Variants in AKAP3 observed in about 807,000 individuals in gnomAD.
AKAP3 encodes the protein A-kinase anchoring protein 3, also known as A-kinase anchor protein 3.
AKAP3 carries 27 observed loss-of-function variants against 57.2 expected under a neutral mutation model. That is an observed-to-expected ratio of 0.47 (90% confidence interval 0.35 to 0.65). The LOEUF (loss-of-function observed/expected upper bound fraction) is 0.65, where lower values mean the gene tolerates loss of function less well. AKAP3 is among the 30% of genes least tolerant of loss of function. The probability of loss-of-function intolerance (pLI) is 0.01; values close to 1 mark genes in which losing one functional copy is unlikely to be tolerated. For missense variants in AKAP3, 959 were observed against 1,040.0 expected (o/e 0.92, Z 1.07); for synonymous variants, 334 against 392.3 (o/e 0.85, Z 1.76).
At chr12:4,636,262 C>T (rs1420227899) in intron 4 of AKAP3, 5 of 410,042 alleles carry the variant, frequency 1.2e-5, no homozygotes, top group South Asian at 2.5e-5. Context: ...AAACCTCAGA[C>T]GCGGCAAGCG....
chr12:4,644,678 GAA>G (rs1474985728), intron 2 of AKAP3, among the ~76,000 whole-genome samples: 1 of 152,222 alleles, frequency 6.6e-6, no homozygotes, highest in African/African-American at 2.4e-5. Context: ...TTGGGAGGCC[GAA>G]GTGGAGGGGA....
intron 5 of AKAP3, 130 bp downstream of exon 5, chr12:4,626,366 T>G (rs553455286): frequency 1.7e-5 from 20 of 1,149,054 alleles, no homozygotes; most frequent in African/African-American, 3.1e-5. Flanking sequence ...CCAGGAGGCA[T>G]GATCTTCAAA....
chr12:4,643,757 G>T (rs574833799), intron 2 of AKAP3, among the ~76,000 whole-genome samples: 1 of 152,294 alleles, frequency 6.6e-6, no homozygotes, highest in South Asian at 2.1e-4. Flanking sequence ...AAGCAACATA[G>T]GGGCTTGGTT....
chr12:4,619,848 C>G (rs1015879598), intron 5 of AKAP3, among the ~76,000 whole-genome samples: 44 of 152,170 alleles, frequency 2.9e-4, no homozygotes, highest in African/African-American at 9.7e-4. Flanking sequence ...AAATAAACTA[C>G]TGATACATGC....
intron 3 of AKAP3, among the ~76,000 whole-genome samples, chr12:4,639,727 T>C (rs972497508): frequency 6.6e-6 from 1 of 152,154 alleles, no homozygotes; most frequent in African/African-American, 2.4e-5. Context: ...GTTTCCAGCT[T>C]CATCCCTGTC....
intron 3 of AKAP3, 52 bp from the exon 4 acceptor site, chr12:4,638,248 T>A (rs1436295637): frequency 1.6e-6 from 2 of 1,289,162 alleles, no homozygotes; most frequent in Admixed American, 1.9e-5. Flanking sequence ...GCAGATTTTA[T>A]GAAAGTAAGA....
At chr12:4,622,081 A>T (rs1945354198) in intron 5 of AKAP3, among the ~76,000 whole-genome samples, 2 of 152,180 alleles carry the variant, frequency 1.3e-5, no homozygotes. Flanking sequence ...TAGGGAGGTG[A>T]AAATCTCTAC....
At chr12:4,647,854 G>A (rs1487449401) in intron 1 of AKAP3, 2 of 121,700 alleles carry the variant, frequency 1.6e-5, no homozygotes, top group Non-Finnish European at 3.9e-5. Context: ...TCAGTAAACA[G>A]TAGGGGCAAG....
Position 4,628,311 on chromosome 12 carries a change from G to A in AKAP3, c.591C>T (p.Gly197=). The A allele has an allele frequency of 1.2e-6, 2 of 1,614,186 alleles. No homozygotes were observed. The highest frequency in any genetic ancestry group is 1.1e-5 in the South Asian group (1 of 91,086). The stretch of plus-strand genomic sequence containing the variant: ...ATGATCCCGAGACTCTGTCTCCAGA[G>A]CCAGGAGCCTTGTCTGGGGCAGCAT... The part of the protein sequence containing the change: ...SRNAAPDKAP[G]SGDRVSGSSQ... The change falls in exon 5 of 6, where the codon GGC becomes GGT. Residue 197 remains glycine, a synonymous_variant. Coordinates refer to ENST00000228850, the MANE Select transcript of AKAP3 (RefSeq NM_001278309.2).
chr12:4,638,592 C>T (rs936346156), intron 3 of AKAP3, among the ~76,000 whole-genome samples: 5 of 152,174 alleles, frequency 3.3e-5, no homozygotes, highest in African/African-American at 1.2e-4. Flanking sequence ...TAATTTACTG[C>T]TCCTTTGTCT....
chr12:4,621,393 GTCAC>G (rs1945346056), intron 5 of AKAP3, among the ~76,000 whole-genome samples: 1 of 152,154 alleles, frequency 6.6e-6, no homozygotes, highest in African/African-American at 2.4e-5. Flanking sequence ...TCACCACTCA[GTCAC>G]TCACTCATCC....
intron 3 of AKAP3, among the ~76,000 whole-genome samples, chr12:4,638,784 C>G (rs1230656906): frequency 6.6e-6 from 1 of 152,170 alleles, no homozygotes; most frequent in Non-Finnish European, 1.5e-5. Flanking sequence ...TTCTGAGTAT[C>G]AGTCAGGACA....
Position 4,626,657 on chromosome 12 carries a change from G to C in AKAP3, c.2245C>G (p.Pro749Ala). ...ACCGTGGGTGCTGCACACCCTTCAG[G>C]GGGCTGTCCTGATGTGCCTCTCATT... ...NEMRGTSGQPPEGCAAPTVIV... is the reference protein window; with the variant it reads ...NEMRGTSGQPAEGCAAPTVIV... Residue 749 changes from proline to alanine, a missense_variant, in exon 5 of 6, where the codon CCT (proline) becomes GCT (alanine). By Grantham distance (27) the Pro-to-Ala change is conservative. Transcript: ENST00000228850. 1 of 1,614,204 alleles carries C rather than the reference G, an allele frequency of 6.2e-7. No individual in the cohort carries two copies. The highest frequency in any genetic ancestry group is 1.1e-5 in the South Asian group (1 of 91,086).
At chr12:4,635,957 T>C in intron 4 of AKAP3, 7 of 1,059,102 alleles carry the variant, frequency 6.6e-6, no homozygotes, top group Non-Finnish European at 1.0e-5. Flanking sequence ...TTTGGGCCCA[T>C]ATTTCACAAA....
chr12:4,646,609 T>C (rs1428981456), intron 1 of AKAP3, among the ~76,000 whole-genome samples: 1 of 151,816 alleles, frequency 6.6e-6, no homozygotes, highest in African/African-American at 2.4e-5. Context: ...GAGGCGGAAG[T>C]TGCAGTGAGC....
chr12:4,635,506 C>A (rs751104976), intron 4 of AKAP3: 6 of 675,146 alleles, frequency 8.9e-6, no homozygotes, highest in African/African-American at 1.8e-5. Flanking sequence ...TAGCTGATGT[C>A]TTCATGAATA....
At chr12:4,616,459 T>C (rs61027608) in intron 5 of AKAP3, among the ~76,000 whole-genome samples, 6,414 of 152,290 alleles carry the variant, frequency 0.042, 324 homozygotes, top group African/African-American at 0.11. Context: ...ACGCTGTCAT[T>C]TATCTGGAAT....
intron 1 of AKAP3, chr12:4,645,528 T>C (rs1037806487): frequency 6.6e-6 from 1 of 152,080 alleles, no homozygotes; most frequent in Non-Finnish European, 1.5e-5. Context: ...ATAGAATCAG[T>C]GGGAGTCCTG....
intron 4 of AKAP3, among the ~76,000 whole-genome samples, chr12:4,637,166 T>C (rs1312245320): frequency 1.3e-5 from 2 of 152,240 alleles, no homozygotes. Flanking sequence ...GTCAGGACAG[T>C]GTCTGTGCCA....
Sources: allele counts gnomAD v4.1 joint callset (sites outside exome capture counted in the v4.1 genomes callset), GRCh38; gene constraint gnomAD v4.1.1; transcripts MANE v1.5; gene names NCBI Gene and HGNC (gene_info 2026-07-23, HGNC 2026-07-21).